DOCK2: variants seen among roughly 807,000 people sequenced by gnomAD.
DOCK2 encodes the protein dedicator of cytokinesis protein 2.
DOCK2 carries 87 observed loss-of-function variants against 248.9 expected under a neutral mutation model. That is an observed-to-expected ratio of 0.35 (90% CI 0.29 to 0.42). DOCK2 has a LOEUF of 0.42. DOCK2 is among the 10% of genes least tolerant of loss of function. DOCK2 has a pLI of 1.00. For missense variants in DOCK2, 1,747 were observed against 2,300.2 expected (o/e 0.76, Z 4.92); for synonymous variants, 805 against 821.6 (o/e 0.98, Z 0.35).
chr5:169,800,940 C>CTTTTTT (rs1411340779), intron 25 of DOCK2, among the ~76,000 whole-genome samples: 1 of 63,456 alleles, frequency 1.6e-5, no homozygotes, highest in African/African-American at 1.1e-4. Context: ...TCTTTTCTTT[C>CTTTTTT]TTTCTTTTTT....
intron 40 of DOCK2, 84 bp from the exon 41 acceptor site, chr5:170,050,172 C>T (rs1163025938): frequency 1.9e-6 from 3 of 1,548,356 alleles, no homozygotes; most frequent in Middle Eastern, 1.8e-4. Flanking sequence ...GGACCGTGGT[C>T]ATTTTACAAG....
Position 169,882,758 on chromosome 5 carries a change from A to T in DOCK2, c.2799+41906A>T, listed in dbSNP as rs1477248566. The T allele has an allele frequency of 5.8e-6, 9 of 1,551,648 alleles. No homozygotes were observed. The East Asian group carries it at 7.3e-5, about 13-fold the overall frequency. ...TTGGTCTCACTCCTTGAAAGAGAGG[A>T]TGGGAGATGATTACTTCCTGGACAA... On this transcript the variant is annotated intron_variant, in intron 27 of 51. Coordinates refer to ENST00000520908, the MANE Select transcript of DOCK2 (RefSeq NM_004946.3).
chr5:169,774,664 A>T (rs1368119540), intron 25 of DOCK2, among the ~76,000 whole-genome samples: 1 of 152,196 alleles, frequency 6.6e-6, no homozygotes, highest in Non-Finnish European at 1.5e-5. Context: ...AATACAAATG[A>T]GTGAAGGGGC....
chr5:169,721,719 C>G (rs2113574108), intron 22 of DOCK2, among the ~76,000 whole-genome samples: 1 of 152,324 alleles, frequency 6.6e-6, no homozygotes, highest in African/African-American at 2.4e-5. Context: ...CCCAGGAACA[C>G]TTGCAAGGGC....
chr5:169,652,602 CAG>C (rs1321616850), intron 1 of DOCK2, among the ~76,000 whole-genome samples: 1 of 152,182 alleles, frequency 6.6e-6, no homozygotes, highest in African/African-American at 2.4e-5. Flanking sequence ...GAAAGTGAGG[CAG>C]AGAGGTGAAG....
At chr5:169,722,548 T>C (rs1762267395) in intron 22 of DOCK2, among the ~76,000 whole-genome samples, 2 of 152,340 alleles carry the variant, frequency 1.3e-5, no homozygotes, top group South Asian at 4.1e-4. Context: ...GTGGTATCTC[T>C]GCCTCTATAA....
chr5:169,740,370 A>C (rs1303780123), intron 22 of DOCK2, among the ~76,000 whole-genome samples: 1 of 151,606 alleles, frequency 6.6e-6, no homozygotes, highest in Non-Finnish European at 1.5e-5. Context: ...TTATGTGTTC[A>C]TTCTAGACAT....
At chr5:169,767,235 GGTT>G (rs753389586) in intron 25 of DOCK2, among the ~76,000 whole-genome samples, 2 of 151,978 alleles carry the variant, frequency 1.3e-5, no homozygotes, top group Non-Finnish European at 2.9e-5. Flanking sequence ...TTTTTAATGG[GGTT>G]GTTGTTTTTG....
chr5:169,669,149 C>T, intron 2 of DOCK2, 139 bp from the exon 3 acceptor site: 1 of 892,528 alleles, frequency 1.1e-6, no homozygotes, highest in South Asian at 1.8e-5. Flanking sequence ...TATGAGCTTC[C>T]AGAGTTTGAT....
chr5:169,926,975 T>A (rs1216328100), intron 27 of DOCK2, among the ~76,000 whole-genome samples: 1 of 152,122 alleles, frequency 6.6e-6, no homozygotes, highest in Non-Finnish European at 1.5e-5. Context: ...CTACTTTAGG[T>A]GGGATGGCCA....
At position 169,915,676 on chromosome 5, in the gene DOCK2, A is replaced by AT. The variant is rs1171694434; in HGVS notation, c.2800-67389dup. ...GATTATTTCTCCACTGATGTTCATT[A>AT]TTTAGATCTATTTTCAACATTTAAA... On this transcript the variant is annotated intron_variant, in intron 27 of 51. Coordinates refer to ENST00000520908, the MANE Select transcript of DOCK2 (RefSeq NM_004946.3). Among the ~76,000 whole-genome samples the AT allele has an allele frequency of 8.6e-5, 13 of 152,026 alleles. 1 individual carries two copies. The highest frequency in any genetic ancestry group is 2.9e-5 in the Non-Finnish European group (2 of 68,020).
At chr5:170,036,419 A>G in intron 35 of DOCK2, 96 bp from the exon 36 acceptor site, 1 of 1,286,806 alleles carries the variant, frequency 7.8e-7, no homozygotes, top group South Asian at 1.3e-5. Flanking sequence ...CCCAGATACT[A>G]GACAGCAATC....
intron 25 of DOCK2, among the ~76,000 whole-genome samples, chr5:169,794,103 C>T (rs981413294): frequency 6.6e-5 from 10 of 152,120 alleles, no homozygotes; most frequent in Non-Finnish European, 1.5e-4. Flanking sequence ...GGGCTGCCCT[C>T]GGGCTGCAGG....
intron 27 of DOCK2, among the ~76,000 whole-genome samples, chr5:169,908,351 G>A (rs527895186): frequency 3.9e-5 from 6 of 151,976 alleles, no homozygotes; most frequent in African/African-American, 1.2e-4. Context: ...ATATAATTCT[G>A]ATTACTCACA....
chr5:169,735,387 T>C (rs372510648), intron 22 of DOCK2, among the ~76,000 whole-genome samples: 97 of 152,310 alleles, frequency 6.4e-4, no homozygotes, highest in African/African-American at 2.2e-3. Flanking sequence ...TGCTGTTCCT[T>C]CAACCTGAAC....
intron 20 of DOCK2, 129 bp downstream of exon 20, chr5:169,716,431 T>C (rs747284776): frequency 8.0e-6 from 7 of 871,554 alleles, no homozygotes; most frequent in African/African-American, 1.7e-5. Flanking sequence ...GGTGTTGTAA[T>C]GTTTGGCAAC....
At chr5:169,897,229 G>A (rs1471431958) in intron 27 of DOCK2, among the ~76,000 whole-genome samples, 5 of 151,980 alleles carry the variant, frequency 3.3e-5, no homozygotes, top group African/African-American at 4.8e-5. Flanking sequence ...TCTGCCACCA[G>A]GCTGGAGTGC....
rs115840305 is a variant in DOCK2, at chr5:170,054,016, A to C, written c.4214-1289A>C. Among the ~76,000 whole-genome samples the C allele has an allele frequency of 3.4e-3, 486 of 143,556 alleles. 1 individual carries two copies. The highest frequency in any genetic ancestry group is 0.031 in the Middle Eastern group (9 of 288). 94.2% of individuals were successfully genotyped at this position (143,556 alleles called of 152,430 possible). On this transcript the variant is annotated intron_variant, in intron 41 of 51. Transcript: ENST00000520908. ...GCTGTGGAAAGCCAAAGGAAGGAAA[A>C]CAACTCCTAACTGGGGGGTGAATTG...
At chr5:169,663,429 G>C (rs1453456490) in intron 2 of DOCK2, among the ~76,000 whole-genome samples, 1 of 152,204 alleles carries the variant, frequency 6.6e-6, no homozygotes, top group Non-Finnish European at 1.5e-5. Context: ...CCTCACGGGG[G>C]ACTCTGTGTG....
Sources: allele counts gnomAD v4.1 joint callset (sites outside exome capture counted in the v4.1 genomes callset), GRCh38; gene constraint gnomAD v4.1.1; transcripts MANE v1.5; gene names NCBI Gene and HGNC (gene_info 2026-07-23, HGNC 2026-07-21).